Variants in PACRG observed in about 807,000 individuals in gnomAD.
PACRG encodes the protein parkin coregulated, also known as parkin coregulated gene protein.
Under a neutral mutation model 29.7 loss-of-function variants are expected in PACRG, and 29 were observed. The observed-to-expected ratio is 0.98, with a 90% CI of 0.73 to 1.33. The LOEUF (loss-of-function observed/expected upper bound fraction) is 1.33, where lower values mean the gene tolerates loss of function less well. Among genes scored for constraint, PACRG ranks in the 40% most tolerant of loss-of-function variants. PACRG has a pLI of 0.00. For missense variants in PACRG, 279 were observed against 316.2 expected (o/e 0.88, Z 0.89); for synonymous variants, 116 against 118.7 (o/e 0.98, Z 0.15).
chr6:163,303,060 G>C (rs1785062476), intron 4 of PACRG, among the ~76,000 whole-genome samples: 3 of 152,194 alleles, frequency 2.0e-5, no homozygotes, highest in African/African-American at 7.2e-5. Flanking sequence ...AGCAGGGTGA[G>C]GGGGCCAAGC....
At chr6:162,865,330 T>C (rs1792206296) in intron 2 of PACRG, among the ~76,000 whole-genome samples, 1 of 152,196 alleles carries the variant, frequency 6.6e-6, no homozygotes, top group Non-Finnish European at 1.5e-5. Context: ...GAAAATGATA[T>C]AGTTCCACTG....
At chr6:162,791,502 G>C (rs1258240168) in intron 1 of PACRG, among the ~76,000 whole-genome samples, 1 of 152,012 alleles carries the variant, frequency 6.6e-6, no homozygotes, top group African/African-American at 2.4e-5. Flanking sequence ...TAGATTGCCT[G>C]ATCCTTCTAA....
At chr6:162,749,614 G>A (rs535405943) in intron 1 of PACRG, among the ~76,000 whole-genome samples, 24 of 152,124 alleles carry the variant, frequency 1.6e-4, no homozygotes, top group East Asian at 5.8e-4. Context: ...TCCACCTCCC[G>A]GGTTCAAGGG....
At chr6:162,819,709 T>G (rs1204184445) in intron 2 of PACRG, among the ~76,000 whole-genome samples, 1 of 152,234 alleles carries the variant, frequency 6.6e-6, no homozygotes, top group Non-Finnish European at 1.5e-5. Flanking sequence ...AGGAGCTGAT[T>G]GTTTTTAAGT....
chr6:162,894,168 A>G (rs941178902), intron 2 of PACRG, among the ~76,000 whole-genome samples: 1 of 152,152 alleles, frequency 6.6e-6, no homozygotes, highest in South Asian at 2.1e-4. Context: ...GATGAATATG[A>G]TAATATTTCT....
chr6:162,896,501 A>G (rs2128049715), intron 2 of PACRG, among the ~76,000 whole-genome samples: 1 of 152,308 alleles, frequency 6.6e-6, no homozygotes, highest in East Asian at 1.9e-4. Context: ...CAAGATTGGA[A>G]ATGTCTGGAG....
In PACRG at chr6:163,121,569, A is replaced by C. The variant is rs564912371; in HGVS notation, c.613+32161A>C. ...AATACACCTAGTATGTGAATTTCAC[A>C]TCACTTCTCAGTCATAAAACAGACC... is the stretch of plus-strand genomic sequence containing the variant. On this transcript the variant is annotated intron_variant, in intron 4 of 4. Transcript: ENST00000366888. Among the ~76,000 whole-genome samples the C allele has an allele frequency of 4.6e-5, 7 of 152,016 alleles. No homozygotes were observed. The South Asian group carries it at 1.2e-3, about 27-fold the overall frequency.
At chr6:163,058,672 G>A (rs909381686) in intron 2 of PACRG, among the ~76,000 whole-genome samples, 9 of 152,124 alleles carry the variant, frequency 5.9e-5, no homozygotes, top group Admixed American at 1.3e-4. Flanking sequence ...CAAGGCGAGC[G>A]GATCATGAGG....
intron 4 of PACRG, among the ~76,000 whole-genome samples, chr6:163,114,549 G>T (rs1322131986): frequency 6.6e-6 from 1 of 152,024 alleles, no homozygotes; most frequent in Non-Finnish European, 1.5e-5. Flanking sequence ...ATCCTATTTG[G>T]AGTGTCATGA....
chr6:162,855,672 A>G (rs977264248), intron 2 of PACRG, among the ~76,000 whole-genome samples: 3 of 152,204 alleles, frequency 2.0e-5, no homozygotes, highest in Non-Finnish European at 2.9e-5. Context: ...GACAAGGGAC[A>G]TGGGAATAGA....
intron 1 of PACRG, among the ~76,000 whole-genome samples, chr6:162,776,738 C>G (rs1783672938): frequency 6.6e-6 from 1 of 152,172 alleles, no homozygotes; most frequent in Non-Finnish European, 1.5e-5. Flanking sequence ...CTGCTTCTGC[C>G]TATGGCAAAT....
rs537353464 is a variant in PACRG at position 162,814,792 on chromosome 6, C to T, written c.291+511C>T. ...CCGTCCCCGCCTGTGTCAGCAAGCG[C>T]GATGGCTGTCACACGTGCCCTGTTA... is the stretch of plus-strand genomic sequence containing the variant. On this transcript the variant is annotated intron_variant, in intron 2 of 4. Coordinates refer to ENST00000366888, the MANE Select transcript of PACRG (RefSeq NM_001080379.2). 2.6e-5 allele frequency among the ~76,000 whole-genome samples: 4 copies of T among 152,332 alleles called. 1 individual carries two copies. Among genetic ancestry groups the T allele is most frequent in the African/African-American group, 9.6e-5 (4 of 41,576 alleles).
chr6:163,013,477 T>C (rs1259394551), intron 2 of PACRG, among the ~76,000 whole-genome samples: 1 of 150,682 alleles, frequency 6.6e-6, no homozygotes, highest in Non-Finnish European at 1.5e-5. Context: ...TAAATTATGC[T>C]CTGTTCGACA....
chr6:162,760,370 G>A (rs1455780276), intron 1 of PACRG, among the ~76,000 whole-genome samples: 2 of 152,158 alleles, frequency 1.3e-5, no homozygotes, highest in East Asian at 3.9e-4. Context: ...AGCAGAAGGG[G>A]ATTTCAGGCT....
At chr6:163,062,526 A>C (rs1471945380) in intron 3 of PACRG, among the ~76,000 whole-genome samples, 2 of 152,210 alleles carry the variant, frequency 1.3e-5, no homozygotes, top group Non-Finnish European at 2.9e-5. Context: ...CCACATAAAT[A>C]AACCAAATTC....
chr6:163,108,309 A>G (rs1007816369), intron 4 of PACRG, among the ~76,000 whole-genome samples: 2 of 150,156 alleles, frequency 1.3e-5, no homozygotes, highest in East Asian at 3.9e-4. Flanking sequence ...GCCTTCTACC[A>G]TTGTAAGTTT....
intron 2 of PACRG, among the ~76,000 whole-genome samples, chr6:162,984,869 TTC>T (rs1802746712): frequency 6.6e-6 from 1 of 151,940 alleles, no homozygotes; most frequent in East Asian, 1.9e-4. Flanking sequence ...TTTTTTTTTT[TTC>T]TTGCTGATTT....
intron 4 of PACRG, among the ~76,000 whole-genome samples, chr6:163,100,302 C>T (rs1814984205): frequency 6.6e-6 from 1 of 152,162 alleles, no homozygotes; most frequent in African/African-American, 2.4e-5. Context: ...GCACGCTCAC[C>T]GTGAGAAACC....
chr6:163,244,566 C>T (rs568496532), intron 4 of PACRG, among the ~76,000 whole-genome samples: 1 of 152,154 alleles, frequency 6.6e-6, no homozygotes, highest in Admixed American at 6.5e-5. Context: ...CTACAAGGCC[C>T]CAGCCCATCA....
Sources: gnomAD v4.1 joint callset for allele counts (sites outside exome capture counted in the v4.1 genomes callset) on GRCh38, gnomAD v4.1.1 for gene constraint, MANE v1.5 for transcripts, NCBI Gene and HGNC (gene_info 2026-07-23, HGNC 2026-07-21) for gene names.